Variants in HAGH observed in about 807,000 individuals in gnomAD.
HAGH encodes hydroxyacylglutathione hydrolase.
A neutral mutation model predicts 35.1 loss-of-function variants in HAGH; 29 were observed. The ratio of observed to expected loss-of-function variants is 0.83; its 90% CI spans 0.62 to 1.13. The LOEUF (loss-of-function observed/expected upper bound fraction) is 1.13. Among genes scored for constraint, HAGH ranks in the 50% most tolerant of loss-of-function variants. The pLI, the probability that HAGH is intolerant of heterozygous loss-of-function variation, is 0.00. For synonymous variants in HAGH, 225 were observed against 176.1 expected (o/e 1.28, Z -2.20); for missense variants, 478 against 419.6 (o/e 1.14, Z -1.22).
chr16:1,809,180 A>G lies in HAGH; in HGVS notation c.*103T>C. 1.3e-6 allele frequency: 1 copy of G among 764,232 alleles called. No individual in the cohort carries two copies. Among genetic ancestry groups the G allele is most frequent in the Non-Finnish European group, 2.2e-6 (1 of 450,490 alleles). 47.3% of individuals were successfully genotyped at this position (764,232 alleles called of 1,614,324 possible). A position where few individuals can be genotyped will look rare whatever the true frequency, so the allele number is the denominator to read the frequency against. The stretch of plus-strand genomic sequence containing the variant: ...CCGATAACACAAGCCAAGGGCTGTA[A>G]AATTAAGGTTAAATCAAGACTGAAT... On this transcript the variant is annotated 3_prime_UTR_variant, in exon 9 of 9. Coordinates refer to ENST00000397356, the MANE Select transcript of HAGH (RefSeq NM_005326.6).
chr16:1,814,552 A>G (rs1378906075), intron 7 of HAGH, among the ~76,000 whole-genome samples: 2 of 152,040 alleles, frequency 1.3e-5, no homozygotes, highest in East Asian at 3.9e-4. Flanking sequence ...CCAAAAGACA[A>G]TGTTAAGAAA....
Position 1,809,276 on chromosome 16 carries a change from G to A in HAGH, c.*7C>T. 1.9e-6 allele frequency: 3 copies of A among 1,588,916 alleles called. No homozygotes were observed. Among genetic ancestry groups the A allele is most frequent in the Non-Finnish European group, 2.6e-6 (3 of 1,160,324 alleles). On this transcript the variant is annotated 3_prime_UTR_variant, in exon 9 of 9. Coordinates refer to ENST00000397356, the MANE Select transcript of HAGH (RefSeq NM_005326.6). ...ATCCCCAAATCCGCTGAAGGTGCAG[G>A]GCGGCCTCAGTCCCGGGGCATCTTG... is the stretch of plus-strand genomic sequence containing the variant.
rs775945925 is a variant in HAGH, at chr16:1,816,963, TTGA to T, written c.674_676del (p.Ile225del). The T allele has an allele frequency of 1.2e-6, 2 of 1,613,566 alleles. No homozygotes were observed. Among genetic ancestry groups the T allele is most frequent in the South Asian group, 2.2e-5 (2 of 91,076 alleles). On this transcript the variant is annotated inframe_deletion, in exon 7 of 9. Transcript: ENST00000397356. ...CACGTGGCGTGCAAACTTGAGGTTG[TTGA>T]TGGTGTACTCGTGGCCACAGTAGAC...
intron 3 of HAGH, 92 bp from the exon 4 acceptor site, chr16:1,820,106 C>G: frequency 1.3e-6 from 1 of 756,000 alleles, no homozygotes; most frequent in Non-Finnish European, 2.3e-6. Flanking sequence ...GAGGGGCTGC[C>G]TGCTGCTCTT....
At chr16:1,810,061 G>C in intron 7 of HAGH, 1 of 554,024 alleles carries the variant, frequency 1.8e-6, no homozygotes, top group Non-Finnish European at 3.3e-6. Flanking sequence ...GCTACTCAGG[G>C]GGCTGAGGTG....
At chr16:1,814,355 T>C (rs1482021753) in intron 7 of HAGH, among the ~76,000 whole-genome samples, 1 of 151,652 alleles carries the variant, frequency 6.6e-6, no homozygotes, top group African/African-American at 2.4e-5. Context: ...ATGCCTGTAA[T>C]CCCAGCTACT....
Position 1,819,891 on chromosome 16 carries a change from C to G in HAGH, c.432+6G>C, listed in dbSNP as rs758759850. On this transcript the variant is annotated splice_donor_region_variant and intron_variant, in intron 4 of 8. Transcript: ENST00000397356. ...CGCTGGAGCACCTCCAGGGCTCACT[C>G]CTTACCTGCAGTGTGGACAGGTGAG... The G allele has an allele frequency of 5.7e-6, 9 of 1,574,194 alleles. No homozygotes were observed. Among genetic ancestry groups the G allele is most frequent in the Non-Finnish European group, 7.9e-6 (9 of 1,144,078 alleles).
rs1335475012 is a variant in HAGH at position 1,822,950 on chromosome 16, G to T, written c.164C>A (p.Pro55His). The change falls in exon 2 of 9, where the codon CCT (proline) becomes CAT (histidine). Residue 55 changes from proline to histidine, a missense_variant. Physicochemically the swap from Pro to His is moderately conservative, Grantham distance 77. Coordinates refer to ENST00000397356, the MANE Select transcript of HAGH (RefSeq NM_005326.6). ...GTACATGTAGTTGTCGGTCAGGGCA[G>T]GCAGCACCTCTACCTTCATGGTGCC... ...DEGTMKVEVL[P>H]ALTDNYMYLV... is the part of the protein sequence containing the mutation. 1.2e-6 allele frequency: 2 copies of T among 1,613,792 alleles called. No homozygotes were observed. Among genetic ancestry groups the T allele is most frequent in the South Asian group, 1.1e-5 (1 of 91,078 alleles).
intron 7 of HAGH, among the ~76,000 whole-genome samples, chr16:1,811,509 T>C (rs1596910880): frequency 6.6e-6 from 1 of 152,066 alleles, no homozygotes; most frequent in East Asian, 1.9e-4. Context: ...GGTCAGGAGT[T>C]TGAGACCGGC....
chr16:1,821,904 G>C (rs920808652), intron 3 of HAGH: 16 of 167,376 alleles, frequency 9.6e-5, no homozygotes, highest in Non-Finnish European at 1.5e-4. Context: ...GGGATTATAG[G>C]CATGAGCCAC....
intron 7 of HAGH, among the ~76,000 whole-genome samples, chr16:1,815,699 C>A (rs1033940038): frequency 6.6e-6 from 1 of 152,130 alleles, no homozygotes; most frequent in East Asian, 1.9e-4. Context: ...CATCAACATT[C>A]CTCAAACTGC....
rs1356700095 is a variant in HAGH at position 1,826,749 on chromosome 16, G to T, written c.39C>A (p.Leu13=). 49 of 1,198,046 alleles carry T rather than the reference G, an allele frequency of 4.1e-5. No individual in the cohort carries two copies. Among genetic ancestry groups the T allele is most frequent in the Non-Finnish European group, 5.1e-5 (49 of 966,566 alleles). The allele number at this position is 1,198,046 out of a possible 1,614,324, so 74.2% of individuals were successfully genotyped here. The stretch of plus-strand genomic sequence containing the variant: ...GGGCGCAGGCGGCTCCCAGCGCGGC[G>T]AGGCTGCGGCGGCCGAGCAGCCCTC... ...VGRGLLGRRS[L]AALGAACARR... is the part of the protein sequence containing the mutation. The change falls in exon 1 of 9, where the codon CTC becomes CTA. Residue 13 remains leucine (L), a synonymous_variant. Transcript: ENST00000397356.
At chr16:1,815,880 G>C (rs190121231) in intron 7 of HAGH, among the ~76,000 whole-genome samples, 3 of 151,720 alleles carry the variant, frequency 2.0e-5, no homozygotes, top group African/African-American at 4.8e-5. Flanking sequence ...TTAGCTGGGC[G>C]TGTTGGCTGG....
chr16:1,827,156 A>G (rs1014923611), upstream of HAGH: 2 of 1,516,362 alleles, frequency 1.3e-6, no homozygotes, highest in Non-Finnish European at 8.9e-7. Context: ...CAGCGTTCCG[A>G]GGCAGTTGGT....
At chr16:1,813,012 C>CCTT (rs1897732618) in intron 7 of HAGH, among the ~76,000 whole-genome samples, 1 of 152,228 alleles carries the variant, frequency 6.6e-6, no homozygotes. Context: ...AAACACACCT[C>CCTT]CCGTCCAGCC....
At position 1,822,355 on chromosome 16, in the gene HAGH, C is replaced by G; in HGVS notation, c.259G>C (p.Ala87Pro). 6.2e-7 allele frequency: 1 copy of G among 1,610,220 alleles called. No homozygotes were observed. The highest frequency in any genetic ancestry group is 8.5e-7 in the Non-Finnish European group (1 of 1,177,858). ...DPVQPQKVVD[A>P]ARKHGVKLTT... ...AGTTTCACCCCGTGCTTTCTCGCCGCGTCCACGACCTGCAGTGGCCCCGGG... is the reference window on the plus strand; with the variant it reads ...AGTTTCACCCCGTGCTTTCTCGCCGGGTCCACGACCTGCAGTGGCCCCGGG... Residue 87 changes from alanine to proline, a missense_variant, in exon 3 of 9, where the codon GCG (alanine) becomes CCG (proline). Physicochemically the swap from Ala to Pro is conservative, Grantham distance 27. Transcript: ENST00000397356.
rs1023942224 is a variant in HAGH, at chr16:1,809,148, A to C, written c.*135T>G. 6.7e-5 allele frequency: 44 copies of C among 655,490 alleles called. No individual in the cohort carries two copies. The highest frequency in any genetic ancestry group is 5.2e-4 in the Middle Eastern group (2 of 3,862). 40.6% of individuals were successfully genotyped at this position (655,490 alleles called of 1,614,324 possible). Reference sequence around the variant, plus strand: ...TAAACTTCTCTTATAAATATGCATTAGAATGTCCGATAACACAAGCCAAGG... The same window carrying C: ...TAAACTTCTCTTATAAATATGCATTCGAATGTCCGATAACACAAGCCAAGG... On this transcript the variant is annotated 3_prime_UTR_variant, in exon 9 of 9. Transcript: ENST00000397356.
chr16:1,826,943 G>T, upstream of HAGH: 1 of 650,482 alleles, frequency 1.5e-6, no homozygotes, highest in Non-Finnish European at 2.4e-6. Context: ...CGCTCAACTT[G>T]TTTTGTCCGC....
chr16:1,808,621 G>A lies in HAGH; in HGVS notation c.*662C>T, dbSNP rs918401328. The A allele has an allele frequency of 1.7e-5, 1 of 60,436 alleles. No individual in the cohort carries two copies. Among genetic ancestry groups the A allele is most frequent in the African/African-American group, 7.3e-5 (1 of 13,790 alleles). The allele number at this position is 60,436 out of a possible 1,614,324, so 3.7% of individuals were successfully genotyped here. On this transcript the variant is annotated 3_prime_UTR_variant, in exon 9 of 9. Coordinates refer to ENST00000397356, the MANE Select transcript of HAGH (RefSeq NM_005326.6). ...GCCCTAAATTTCAGATTAGCCTTAGGGGTTGCCTTTGTCCTGCCCTTCCCT... is the reference window on the plus strand; with the variant it reads ...GCCCTAAATTTCAGATTAGCCTTAGAGGTTGCCTTTGTCCTGCCCTTCCCT...
Sources: allele counts gnomAD v4.1 joint callset (sites outside exome capture counted in the v4.1 genomes callset), GRCh38; gene constraint gnomAD v4.1.1; transcripts MANE v1.5; gene names NCBI Gene and HGNC (gene_info 2026-07-23, HGNC 2026-07-21).